The following DDAH1 variants were observed in gnomAD, a reference collection of about 807,000 sequenced individuals.
The protein encoded by DDAH1 is dimethylarginine dimethylaminohydrolase 1, also known as N(G),N(G)-dimethylarginine dimethylaminohydrolase 1.
In DDAH1, 19 loss-of-function variants were observed where a neutral mutation model predicts 28.8. The ratio of observed to expected loss-of-function variants is 0.66; its 90% CI spans 0.46 to 0.97. The LOEUF is 0.97. DDAH1 is among the 50% of genes least tolerant of loss of function. The pLI, the probability that DDAH1 is intolerant of heterozygous loss-of-function variation, is 0.00. For synonymous variants in DDAH1, 153 were observed against 154.4 expected, an observed-to-expected ratio of 0.99 and a Z score of 0.07; for missense variants, 326 against 375.9, an observed-to-expected ratio of 0.87 and a Z score of 1.10.
At chr1:85,462,313 C>T (rs1430823820) in intron 1 of DDAH1, among the ~76,000 whole-genome samples, 1 of 152,074 alleles carries the variant, frequency 6.6e-6, no homozygotes, top group Non-Finnish European at 1.5e-5. Flanking sequence ...GCAAGCACAG[C>T]CCAGCTCAAT....
At chr1:85,444,642 T>C (rs1279580628) in intron 1 of DDAH1, among the ~76,000 whole-genome samples, 1 of 152,182 alleles carries the variant, frequency 6.6e-6, no homozygotes, top group Non-Finnish European at 1.5e-5. Context: ...GTACTGAATA[T>C]AGTCTACTCA....
At chr1:85,500,948 A>T (rs1656798653) in intron 1 of DDAH1, among the ~76,000 whole-genome samples, 1 of 151,198 alleles carries the variant, frequency 6.6e-6, no homozygotes, top group African/African-American at 2.4e-5. Context: ...CCATTTTTCT[A>T]GTGAGAATTT....
chr1:85,431,248 G>T (rs1653674688), intron 1 of DDAH1, among the ~76,000 whole-genome samples: 2 of 152,168 alleles, frequency 1.3e-5, no homozygotes, highest in Non-Finnish European at 2.9e-5. Context: ...AAGCCGACTT[G>T]ATTGTGGTGG....
chr1:85,338,534 A>G (rs1648272858), intron 4 of DDAH1, among the ~76,000 whole-genome samples: 1 of 152,204 alleles, frequency 6.6e-6, no homozygotes, highest in African/African-American at 2.4e-5. Context: ...CCCTGCCTTC[A>G]TGTAGGAACT....
rs199804690 is a variant in DDAH1 at position 85,500,114 on chromosome 1, T to TTTTC, written c.-122-3837_-122-3834dup. 2.7e-3 allele frequency among the ~76,000 whole-genome samples: 355 copies of TTTTC among 129,888 alleles called. 4 individuals carry two copies. Among genetic ancestry groups the TTTTC allele is most frequent in the African/African-American group, 8.8e-3 (324 of 36,716 alleles). The allele number at this position is 129,888 out of a possible 152,430, so 85.2% of individuals were successfully genotyped here. A position where few individuals can be genotyped will look rare whatever the true frequency, so the allele number is the denominator to read the frequency against. The stretch of plus-strand genomic sequence containing the variant: ...CCTTCCCTCCTTCCTCTTTCTTTTC[T>TTTTC]TTTCTTTCTTTCTTTCTTTCTTTCT... On this transcript the variant is annotated intron_variant, in intron 1 of 6. Transcript: ENST00000426972.
intron 1 of DDAH1, among the ~76,000 whole-genome samples, chr1:85,429,409 C>G (rs1220438348): frequency 3.9e-5 from 6 of 152,206 alleles, no homozygotes; most frequent in Non-Finnish European, 5.9e-5. Flanking sequence ...TTTATCCAGT[C>G]TATCATTCAT....
At chr1:85,490,028 C>T (rs1250537089) in intron 2 of DDAH1, among the ~76,000 whole-genome samples, 2 of 151,858 alleles carry the variant, frequency 1.3e-5, no homozygotes, top group South Asian at 2.1e-4. Context: ...AAGAGGTAGG[C>T]TTGTGGTGGA....
intron 1 of DDAH1, among the ~76,000 whole-genome samples, chr1:85,426,921 C>CAAAAAA (rs10680800): frequency 4.2e-5 from 5 of 120,430 alleles, no homozygotes; most frequent in South Asian, 5.5e-4. Flanking sequence ...TTAAAAAAAA[C>CAAAAAA]AAAAAAAAAA....
At chr1:85,437,594 G>A (rs1653998674) in intron 1 of DDAH1, among the ~76,000 whole-genome samples, 1 of 152,092 alleles carries the variant, frequency 6.6e-6, no homozygotes, top group African/African-American at 2.4e-5. Context: ...AAATAGATAA[G>A]ACATACAATA....
At chr1:85,478,782 G>A (rs911166167) in intron 2 of DDAH1, among the ~76,000 whole-genome samples, 7 of 152,198 alleles carry the variant, frequency 4.6e-5, no homozygotes, top group Admixed American at 1.3e-4. Context: ...CTCATCAGAA[G>A]TGGTCATTGA....
intron 1 of DDAH1, among the ~76,000 whole-genome samples, chr1:85,434,565 T>C (rs1329771856): frequency 1.3e-5 from 2 of 152,082 alleles, no homozygotes; most frequent in Non-Finnish European, 2.9e-5. Flanking sequence ...CTAAGTTTTA[T>C]ATTTTTAGTA....
Position 85,464,896 on chromosome 1 carries a change from G to A in DDAH1, c.150C>T (p.Tyr50=), listed in dbSNP as rs918869680. The A allele has an allele frequency of 5.7e-6, 9 of 1,572,156 alleles. No individual in the cohort carries two copies. Among genetic ancestry groups the A allele is most frequent in the Non-Finnish European group, 6.0e-6 (7 of 1,169,578 alleles). The part of the protein sequence containing the change: ...VARAERQHQL[Y]VGVLGSKLGL... ...CCAGCTTGCTGCCCAGCACGCCCAC[G>A]TAGAGCTGGTGCTGCCGTTCCGCGC... Residue 50 remains tyrosine, a synonymous_variant, in exon 1 of 6, where the codon TAC becomes TAT. Transcript: ENST00000284031. The surrounding 1 kb of genome is among the most constrained non-coding windows in gnomAD (Gnocchi z 4.4).
intron 1 of DDAH1, among the ~76,000 whole-genome samples, chr1:85,512,510 C>G (rs1377207979): frequency 2.6e-5 from 4 of 152,090 alleles, no homozygotes; most frequent in African/African-American, 7.2e-5. Flanking sequence ...GGCAATCAGT[C>G]AAGAGAAAGA....
intron 1 of DDAH1, among the ~76,000 whole-genome samples, chr1:85,536,849 A>T (rs1658294486): frequency 6.6e-6 from 1 of 151,526 alleles, no homozygotes; most frequent in African/African-American, 2.4e-5. Context: ...TGATGAAGAG[A>T]TATCTGTACT....
upstream of DDAH1, chr1:85,467,439 C>T (rs1329418530): frequency 2.6e-5 from 4 of 152,152 alleles, no homozygotes; most frequent in Non-Finnish European, 5.9e-5. Context: ...AAATTGGGTA[C>T]CTGTTCTTTT....
intron 1 of DDAH1, among the ~76,000 whole-genome samples, chr1:85,388,640 A>G (rs1307649691): frequency 6.6e-6 from 1 of 152,174 alleles, no homozygotes; most frequent in African/African-American, 2.4e-5. Flanking sequence ...AATCATGAAA[A>G]TGTCATTATA....
intron 2 of DDAH1, among the ~76,000 whole-genome samples, chr1:85,352,170 A>G (rs1464324927): frequency 2.0e-5 from 3 of 152,154 alleles, no homozygotes; most frequent in African/African-American, 7.2e-5. Flanking sequence ...GGGAGTTTGT[A>G]CATTCTCTCT....
chr1:85,372,571 A>G (rs1321312049), intron 1 of DDAH1, among the ~76,000 whole-genome samples: 2 of 151,982 alleles, frequency 1.3e-5, no homozygotes, highest in East Asian at 3.9e-4. Context: ...TTTTCTTGCC[A>G]TTATAGTTTT....
At chr1:85,418,752 C>T (rs1328453414) in intron 1 of DDAH1, among the ~76,000 whole-genome samples, 3 of 152,178 alleles carry the variant, frequency 2.0e-5, no homozygotes, top group African/African-American at 7.2e-5. Context: ...TACCCATATC[C>T]CTGCTTTCCC....
Sources: allele counts gnomAD v4.1 joint callset (sites outside exome capture counted in the v4.1 genomes callset), GRCh38; gene constraint gnomAD v4.1.1; non-coding constraint Gnocchi (gnomAD v3.1); transcripts MANE v1.5; gene names NCBI Gene and HGNC (gene_info 2026-07-23, HGNC 2026-07-21).